Variants in DHDH observed in about 807,000 individuals in gnomAD.
DHDH encodes trans-1,2-dihydrobenzene-1,2-diol dehydrogenase.
In DHDH, 29 loss-of-function variants were observed where a neutral mutation model predicts 33.2. The observed-to-expected ratio is 0.87, with a 90% CI of 0.65 to 1.19. The LOEUF is 1.19. Ranked by LOEUF, DHDH falls within the 50% of genes most tolerant of loss-of-function variation. The pLI is 0.00. For synonymous variants in DHDH, 201 were observed against 187.9 expected (o/e 1.07, Z -0.57); for missense variants, 431 against 455.0 (o/e 0.95, Z 0.48).
chr19:48,935,081 T>G lies in DHDH; in HGVS notation c.172T>G (p.Tyr58Asp), dbSNP rs1339231835. ...CGACATCCCCAAGGCCTACGGCTCC[T>G]ATGAGGAGCTGGCCAAGGACCCGAG... ...KHDIPKAYGS[Y>D]EELAKDPSVE... Residue 58 changes from tyrosine (Y) to aspartate (D), a missense_variant, in exon 2 of 7, where the codon TAT becomes GAT. By Grantham distance (160) the Tyr-to-Asp change is radical (BLOSUM62 -3). Coordinates refer to ENST00000221403, the MANE Select transcript of DHDH (RefSeq NM_014475.4). 1.3e-6 allele frequency: 2 copies of G among 1,586,534 alleles called. No individual in the cohort carries two copies. Among genetic ancestry groups the G allele is most frequent in the Non-Finnish European group, 1.7e-6 (2 of 1,168,732 alleles).
rs532844101 is a variant in DHDH at position 48,937,589 on chromosome 19, G to A, written c.366+1394G>A. ...GCACTTCGAGAGGCAGAGGCGGGCG[G>A]ATCACGACGTCAGGAGATCGAGACC... On this transcript the variant is annotated intron_variant, in intron 3 of 6. Transcript: ENST00000221403. 2.3e-3 allele frequency among the ~76,000 whole-genome samples: 343 copies of A among 151,862 alleles called. 3 individuals are homozygous for A. The highest frequency in any genetic ancestry group is 0.014 in the Middle Eastern group (4 of 294).
chr19:48,937,545 G>C (rs1205167768), intron 3 of DHDH, among the ~76,000 whole-genome samples: 1 of 152,058 alleles, frequency 6.6e-6, no homozygotes, highest in Non-Finnish European at 1.5e-5. Flanking sequence ...GGGCGCGGTG[G>C]CTCACGCCTG....
At chr19:48,932,865 A>T (rs1013128187), upstream of DHDH, among the ~76,000 whole-genome samples, 3 of 152,086 alleles carry the variant, frequency 2.0e-5, no homozygotes, top group African/African-American at 7.2e-5. Context: ...AGCTCAATGA[A>T]TCCTCCTCAC....
intron 6 of DHDH, 145 bp downstream of exon 6, chr19:48,944,652 G>C (rs2037915719): frequency 7.5e-7 from 1 of 1,331,530 alleles, no homozygotes; most frequent in African/African-American, 1.5e-5. Flanking sequence ...CTCCAGCCTG[G>C]GCAACGGAAC....
At position 48,944,873 on chromosome 19, in the gene DHDH, T is replaced by C. The variant is rs146385103; in HGVS notation, c.945T>C (p.Ala315=). The part of the protein sequence containing the change: ...VIPLSESELL[A]DILEEVRKAI... ...CCCTGTCGGAAAGTGAGCTCCTGGC[T>C]GACATCCTTGAAGAGGTGAGGAAGG... The change falls in exon 7 of 7, where the codon GCT becomes GCC. Residue 315 remains alanine, a synonymous_variant. Transcript: ENST00000221403. The C allele has an allele frequency of 5.0e-6, 8 of 1,613,968 alleles. No individual in the cohort carries two copies. In the African/African-American group the frequency reaches 9.3e-5, roughly 19 times the overall value.
chr19:48,937,029 C>G (rs926234063), intron 3 of DHDH, among the ~76,000 whole-genome samples: 3 of 152,050 alleles, frequency 2.0e-5, no homozygotes, highest in Non-Finnish European at 4.4e-5. Flanking sequence ...AGTGATCCTC[C>G]TGCCGCGGCC....
chr19:48,941,602 C>T (rs933306938), intron 4 of DHDH, among the ~76,000 whole-genome samples: 18 of 149,026 alleles, frequency 1.2e-4, no homozygotes, highest in Non-Finnish European at 1.8e-4. Context: ...AGGCTGGTCT[C>T]GACCTCCTGG....
At chr19:48,935,996 C>T (rs2037767566) in intron 2 of DHDH, 36 bp from the exon 3 acceptor site, 10 of 1,562,756 alleles carry the variant, frequency 6.4e-6, no homozygotes, top group Non-Finnish European at 7.8e-6. Flanking sequence ...TCTGGGTGGG[C>T]GGGGCTGCTG....
chr19:48,940,329 T>G (rs1454424782), intron 4 of DHDH, among the ~76,000 whole-genome samples: 2 of 150,064 alleles, frequency 1.3e-5, no homozygotes, highest in South Asian at 4.2e-4. Flanking sequence ...TACTCTAGCC[T>G]GGGCGACAGA....
Position 48,939,379 on chromosome 19 carries a change from AT to A in DHDH, c.367-69del, listed in dbSNP as rs939343885. On this transcript the variant is annotated intron_variant, in intron 3 of 6. Coordinates refer to ENST00000221403, the MANE Select transcript of DHDH (RefSeq NM_014475.4). ...GTTTGGAGACTGGGTTGCAGTGGGT[AT>A]CCCCCTATGATTGGGACCCCAGAAG... The A allele has an allele frequency of 6.1e-5, 93 of 1,528,148 alleles. 1 individual carries two copies. In the Middle Eastern group the frequency reaches 2.6e-3, roughly 42 times the overall value. The allele number at this position is 1,528,148 out of a possible 1,614,324, so 94.7% of individuals were successfully genotyped here. A position where few individuals can be genotyped will look rare whatever the true frequency, so the allele number is the denominator to read the frequency against.
intron 3 of DHDH, among the ~76,000 whole-genome samples, chr19:48,937,845 A>C (rs2037802769): frequency 6.8e-6 from 1 of 146,648 alleles, no homozygotes; most frequent in African/African-American, 2.5e-5. Flanking sequence ...AAATTGCTGG[A>C]GTGCAGCCTT....
chr19:48,936,318 T>G (rs2037774920), intron 3 of DHDH, 123 bp downstream of exon 3: 2 of 1,301,618 alleles, frequency 1.5e-6, no homozygotes, highest in East Asian at 5.6e-5. Flanking sequence ...TGGCAGCATC[T>G]ATTACCGTGA....
intron 5 of DHDH, among the ~76,000 whole-genome samples, chr19:48,943,888 G>A (rs186444242): frequency 7.3e-5 from 11 of 151,404 alleles, no homozygotes; most frequent in Admixed American, 5.9e-4. Flanking sequence ...CCAGCTACTC[G>A]GGAGGCTGAG....
chr19:48,942,471 G>C lies in DHDH; in HGVS notation c.651G>C (p.Gln217His). Residue 217 changes from glutamine to histidine, a missense_variant, in exon 5 of 7, where the codon CAG (glutamine) becomes CAC (histidine). Gln to His is a conservative substitution (Grantham distance 24). Transcript: ENST00000221403. Reference sequence around the variant, plus strand: ...ATGACACTGTCACGGTGCTCCTGCAGTACCCAGGGGAGGTCCATGGCAGCT... The same window carrying C: ...ATGACACTGTCACGGTGCTCCTGCACTACCCAGGGGAGGTCCATGGCAGCT... Reference protein sequence around the residue: ...GVDDTVTVLLQYPGEVHGSFT... With the variant: ...GVDDTVTVLLHYPGEVHGSFT... The C allele has an allele frequency of 6.2e-7, 1 of 1,612,928 alleles. No individual in the cohort carries two copies. The highest frequency in any genetic ancestry group is 8.5e-7 in the Non-Finnish European group (1 of 1,179,320).
rs747109717 is a variant in DHDH, at chr19:48,935,028, G to C, written c.119G>C (p.Ser40Thr). Residue 40 changes from serine (S) to threonine (T), a missense_variant, in exon 2 of 7, where the codon AGC (serine) becomes ACC (threonine). Coordinates refer to ENST00000221403, the MANE Select transcript of DHDH (RefSeq NM_014475.4). ...QVVAVAARDL[S>T]RAKEFAQKHD... is the part of the protein sequence containing the mutation. Reference sequence around the variant, plus strand: ...GTGGCGGTGGCGGCCCGCGATCTGAGCCGTGCGAAGGAGTTTGCACAGAAA... The same window carrying C: ...GTGGCGGTGGCGGCCCGCGATCTGACCCGTGCGAAGGAGTTTGCACAGAAA... 5.4e-5 allele frequency: 86 copies of C among 1,580,790 alleles called. No homozygotes were observed. The highest frequency in any genetic ancestry group is 7.2e-5 in the Non-Finnish European group (84 of 1,165,974).
At chr19:48,939,373 G>T in intron 3 of DHDH, 76 bp from the exon 4 acceptor site, 1 of 1,512,700 alleles carries the variant, frequency 6.6e-7, no homozygotes, top group South Asian at 1.3e-5. Context: ...CTGGGTTGCA[G>T]TGGGTATCCC....
At chr19:48,942,605 A>G in intron 5 of DHDH, 41 bp downstream of exon 5, 1 of 1,592,996 alleles carries the variant, frequency 6.3e-7, no homozygotes, top group Non-Finnish European at 8.6e-7. Context: ...TCGTGCCCCT[A>G]AAATAGGAGG....
At position 48,935,107 on chromosome 19, in the gene DHDH, C is replaced by T; in HGVS notation, c.198C>T (p.Ser66=). Residue 66 remains serine (S), a synonymous_variant, in exon 2 of 7, where the codon AGC becomes AGT. Transcript: ENST00000221403. ...ATGAGGAGCTGGCCAAGGACCCGAG[C>T]GTGGGTGAGTGGCGAGGGCGATGGG... is the stretch of plus-strand genomic sequence containing the variant. The part of the protein sequence containing the change: ...GSYEELAKDP[S]VEVAYIGTQH... 6.4e-7 allele frequency: 1 copy of T among 1,560,058 alleles called. No individual in the cohort carries two copies. The highest frequency in any genetic ancestry group is 8.6e-7 in the Non-Finnish European group (1 of 1,156,666).
chr19:48,935,158 G>GTGCCCCCTGGC, intron 2 of DHDH, 47 bp downstream of exon 2: 1 of 1,456,696 alleles, frequency 6.9e-7, no homozygotes, highest in Non-Finnish European at 9.2e-7. Context: ...CCCTGGAGCG[G>GTGCCCCCTGGC]TGCCCCCTGG....
Sources: gnomAD v4.1 joint callset for allele counts (sites outside exome capture counted in the v4.1 genomes callset) on GRCh38, gnomAD v4.1.1 for gene constraint, MANE v1.5 for transcripts, NCBI Gene and HGNC (gene_info 2026-07-23, HGNC 2026-07-21) for gene names.